The following DNAH12 variants were observed in gnomAD, a reference collection of about 807,000 sequenced individuals.
The protein encoded by DNAH12 is dynein axonemal heavy chain 12, also known as axonemal beta dynein heavy chain 12.
In DNAH12, 285 loss-of-function variants were observed where a neutral mutation model predicts 371.5. That is an observed-to-expected ratio of 0.77 (90% CI 0.70 to 0.85). The LOEUF is 0.85. Ranked by LOEUF, DNAH12 falls within the 40% of genes least tolerant of loss-of-function variation. DNAH12 has a pLI of 0.00. For synonymous variants in DNAH12, 1,200 were observed against 1,213.0 expected (o/e 0.99, Z 0.22); for missense variants, 3,611 against 3,689.4 (o/e 0.98, Z 0.55).
At chr3:57,546,300 CT>C (rs1275529576), upstream of DNAH12, among the ~76,000 whole-genome samples, 5 of 152,106 alleles carry the variant, frequency 3.3e-5, no homozygotes, top group Non-Finnish European at 4.4e-5. Flanking sequence ...CTAAACTAAC[CT>C]TTGGGTCTGC....
In DNAH12 at chr3:57,296,499, A is replaced by G; in HGVS notation, c.11533-64T>C. ...GACAACTTCATCTCATAAAGAACAC[A>G]TTAGCGAAATATTCAGAACACATTC... On this transcript the variant is annotated intron_variant, in intron 71 of 73. Transcript: ENST00000495027. The G allele has an allele frequency of 4.0e-6, 5 of 1,245,384 alleles. No individual in the cohort carries two copies. In the South Asian group the frequency reaches 5.4e-5, roughly 14 times the overall value. The allele number at this position is 1,245,384 out of a possible 1,614,324, so 77.1% of individuals were successfully genotyped here. A position where few individuals can be genotyped will look rare whatever the true frequency, so the allele number is the denominator to read the frequency against.
At chr3:57,454,953 T>C in intron 22 of DNAH12, 59 bp from the exon 23 acceptor site, 2 of 1,514,090 alleles carry the variant, frequency 1.3e-6, no homozygotes, top group Non-Finnish European at 8.9e-7. Context: ...AATAGCTAAA[T>C]GTCTAACAAT....
chr3:57,453,307 C>G lies in DNAH12; in HGVS notation c.3553G>C (p.Gly1185Arg). ...KLSKQTRTTL[G>R]ALVTIDVHAR... ...TGGACATCAATAGTAACCAAAGCCC[C>G]CAGAGTGGTCCTGGTCTGCTTAGAC... Residue 1185 changes from glycine to arginine, a missense_variant, in exon 24 of 74, where the codon GGG becomes CGG. Physicochemically the swap from Gly to Arg is moderately radical, Grantham distance 125 (BLOSUM62 -2). Around this residue, in one of 3 missense-constraint regions of DNAH12, gnomAD observed 1,314 missense variants for 1,398.7 expected, o/e 0.94. Coordinates refer to ENST00000495027, the MANE Select transcript of DNAH12 (RefSeq NM_001366028.2). The G allele has an allele frequency of 6.4e-7, 1 of 1,551,012 alleles. No individual in the cohort carries two copies. The highest frequency in any genetic ancestry group is 8.7e-7 in the Non-Finnish European group (1 of 1,146,788).
At chr3:57,501,551 T>C (rs918102851) in intron 10 of DNAH12, 139 bp from the exon 11 acceptor site, 63 of 587,136 alleles carry the variant, frequency 1.1e-4, no homozygotes, top group African/African-American at 2.0e-5. Flanking sequence ...TGATTTACTA[T>C]ATTTTAAGAA....
intron 59 of DNAH12, among the ~76,000 whole-genome samples, chr3:57,356,200 G>T (rs970588630): frequency 3.9e-5 from 6 of 152,118 alleles, no homozygotes; most frequent in Non-Finnish European, 7.3e-5. Flanking sequence ...TCAGCACTTA[G>T]GGATGCTGAG....
At chr3:57,495,974 C>A (rs992380175) in intron 11 of DNAH12, among the ~76,000 whole-genome samples, 3 of 138,080 alleles carry the variant, frequency 2.2e-5, no homozygotes, top group South Asian at 2.2e-4. Flanking sequence ...ATATTTTAAT[C>A]CCTGATTTTA....
intron 60 of DNAH12, among the ~76,000 whole-genome samples, chr3:57,343,731 T>C (rs1400932037): frequency 6.6e-6 from 1 of 152,160 alleles, no homozygotes; most frequent in African/African-American, 2.4e-5. Context: ...GGGAACTGAA[T>C]GTCTCGGTAT....
At position 57,508,506 on chromosome 3, in the gene DNAH12, AG is replaced by A; in HGVS notation, c.576del (p.Tyr193MetfsTer19). On this transcript the variant is annotated frameshift_variant, in exon 7 of 74. Coordinates refer to ENST00000495027, the MANE Select transcript of DNAH12 (RefSeq NM_001366028.2). LOFTEE classifies it high-confidence loss of function. Reference sequence around the variant, plus strand: ...AATATTTGATTTCTTGCCTGCACATAGCTAGAATGCCAAGGATTAGAATAAT... The same window carrying A: ...AATATTTGATTTCTTGCCTGCACATACTAGAATGCCAAGGATTAGAATAAT... ...GLDYSNPWHS[S>X]YVQARNQIFS... 6.2e-7 allele frequency: 1 copy of A among 1,612,546 alleles called. No individual in the cohort carries two copies. The highest frequency in any genetic ancestry group is 8.5e-7 in the Non-Finnish European group (1 of 1,179,686).
At chr3:57,323,425 G>T in intron 63 of DNAH12, 44 bp downstream of exon 63, 2 of 1,494,502 alleles carry the variant, frequency 1.3e-6, no homozygotes, top group Non-Finnish European at 1.8e-6. Context: ...TGAGCAAGAT[G>T]TTTTATTTAT....
intron 69 of DNAH12, among the ~76,000 whole-genome samples, chr3:57,303,055 C>T (rs1218638747): frequency 6.6e-6 from 1 of 151,776 alleles, no homozygotes; most frequent in Non-Finnish European, 1.5e-5. Context: ...AAAATACCCA[C>T]TCAACTGGGC....
chr3:57,431,202 C>T (rs1276757814), intron 32 of DNAH12, among the ~76,000 whole-genome samples: 3 of 147,552 alleles, frequency 2.0e-5, no homozygotes, highest in Non-Finnish European at 3.0e-5. Flanking sequence ...TTCTATTCCA[C>T]CCCCAGTGAC....
chr3:57,424,906 T>C (rs1357251785), intron 35 of DNAH12, 116 bp downstream of exon 35: 1 of 568,322 alleles, frequency 1.8e-6, no homozygotes, highest in South Asian at 2.6e-5. Context: ...CAGCTATTCT[T>C]TCAATGCTCA....
chr3:57,396,665 C>T (rs2063748611), intron 43 of DNAH12, among the ~76,000 whole-genome samples: 1 of 151,642 alleles, frequency 6.6e-6, no homozygotes, highest in African/African-American at 2.4e-5. Flanking sequence ...AGGTGCATTC[C>T]ACTACAAGTG....
chr3:57,330,368 G>C (rs1193169796), intron 62 of DNAH12, among the ~76,000 whole-genome samples: 1 of 151,976 alleles, frequency 6.6e-6, no homozygotes, highest in Non-Finnish European at 1.5e-5. Context: ...ATACACCATA[G>C]AATACTATGC....
At chr3:57,352,875 G>C (rs2062712628) in intron 59 of DNAH12, among the ~76,000 whole-genome samples, 1 of 152,016 alleles carries the variant, frequency 6.6e-6, no homozygotes, top group South Asian at 2.1e-4. Flanking sequence ...GATCATTTGA[G>C]GTCAGAAGTT....
At chr3:57,494,640 G>GA (rs1203029798) in intron 11 of DNAH12, among the ~76,000 whole-genome samples, 1 of 152,092 alleles carries the variant, frequency 6.6e-6, no homozygotes, top group East Asian at 1.9e-4. Flanking sequence ...AATTAGGCAA[G>GA]AAAAATAAGT....
intron 30 of DNAH12, 28 bp from the exon 31 acceptor site, chr3:57,433,856 A>G: frequency 3.4e-6 from 5 of 1,476,696 alleles, no homozygotes; most frequent in Admixed American, 2.6e-5. Flanking sequence ...TAATTATACA[A>G]TAAGAGTCTT....
intron 18 of DNAH12, 66 bp from the exon 19 acceptor site, chr3:57,461,755 T>C: frequency 7.7e-7 from 1 of 1,293,108 alleles, no homozygotes. Flanking sequence ...ATATTGACTT[T>C]CCCTAGTGAA....
At chr3:57,456,583 T>C (rs6764725) in intron 22 of DNAH12, among the ~76,000 whole-genome samples, 2,118 of 152,282 alleles carry the variant, frequency 0.014, 62 homozygotes, top group African/African-American at 0.048. Context: ...AGTTTTTAAG[T>C]AGTTGTTTAA....
Sources: gnomAD v4.1 joint callset for allele counts (sites outside exome capture counted in the v4.1 genomes callset) on GRCh38, gnomAD v4.1.1 for gene constraint, gnomAD v4.1.1 regional missense constraint, MANE v1.5 for transcripts, NCBI Gene and HGNC (gene_info 2026-07-23, HGNC 2026-07-21) for gene names.